The following PTPN13 variants were observed in gnomAD, a reference collection of about 807,000 sequenced individuals.
The protein encoded by PTPN13 is protein tyrosine phosphatase non-receptor type 13.
Under a neutral mutation model 284.0 loss-of-function variants are expected in PTPN13, and 191 were observed. That is an observed-to-expected ratio of 0.67 (90% CI 0.60 to 0.76). The LOEUF (loss-of-function observed/expected upper bound fraction) is 0.76. Among genes scored for constraint, PTPN13 ranks in the 30% least tolerant of loss-of-function variants. The probability of loss-of-function intolerance (pLI) is 0.00; values close to 1 mark genes in which losing one functional copy is unlikely to be tolerated. For missense variants in PTPN13, 2,797 were observed against 2,939.9 expected (o/e 0.95, Z 1.12); for synonymous variants, 986 against 1,022.3 (o/e 0.96, Z 0.68).
chr4:86,790,377 A>G (rs1034981218), intron 40 of PTPN13, among the ~76,000 whole-genome samples: 12 of 152,232 alleles, frequency 7.9e-5, no homozygotes, highest in African/African-American at 2.9e-4. Context: ...TGTCACAGAC[A>G]TAAGTGTGTG....
At chr4:86,659,247 T>A (rs1419903100) in intron 2 of PTPN13, among the ~76,000 whole-genome samples, 2 of 152,174 alleles carry the variant, frequency 1.3e-5, no homozygotes, top group African/African-American at 4.8e-5. Context: ...CATTTTCATA[T>A]GTAACCAGTA....
At chr4:86,647,586 G>C (rs571345120) in intron 2 of PTPN13, among the ~76,000 whole-genome samples, 1 of 151,956 alleles carries the variant, frequency 6.6e-6, no homozygotes, top group Non-Finnish European at 1.5e-5. Flanking sequence ...ATGAGAAAAC[G>C]TTAAAAGTAG....
In PTPN13 at chr4:86,785,828, C is replaced by T. The variant is rs764817010; in HGVS notation, c.6257-20C>T. The stretch of plus-strand genomic sequence containing the variant: ...CAATAGTTTTATAAATTCCTCTTGG[C>T]CTATATATTCCTCTCTCAGGTACAT... On this transcript the variant is annotated intron_variant, in intron 39 of 47. Transcript: ENST00000411767. The T allele has an allele frequency of 2.1e-6, 3 of 1,451,318 alleles. No homozygotes were observed. The highest frequency in any genetic ancestry group is 2.6e-5 in the South Asian group (2 of 76,700). 89.9% of individuals were successfully genotyped at this position (1,451,318 alleles called of 1,614,324 possible).
At chr4:86,757,910 A>AC (rs1298045820) in intron 20 of PTPN13, among the ~76,000 whole-genome samples, 1 of 152,174 alleles carries the variant, frequency 6.6e-6, no homozygotes, top group Admixed American at 6.5e-5. Context: ...GGAGTTGATT[A>AC]TGGTGTAACA....
At chr4:86,658,564 CT>C (rs1726116939) in intron 2 of PTPN13, among the ~76,000 whole-genome samples, 1 of 152,050 alleles carries the variant, frequency 6.6e-6, no homozygotes, top group Non-Finnish European at 1.5e-5. Context: ...CTTCTGTTTT[CT>C]TTTCAAAGAG....
intron 10 of PTPN13, among the ~76,000 whole-genome samples, chr4:86,728,643 C>CATT (rs1734569004): frequency 4.1e-5 from 1 of 24,500 alleles, no homozygotes; most frequent in Non-Finnish European, 7.6e-5. Context: ...CAACCCCTGC[C>CATT]TTTTTTTTTT....
intron 1 of PTPN13, among the ~76,000 whole-genome samples, chr4:86,602,590 G>A (rs764518233): frequency 4.6e-5 from 7 of 151,996 alleles, no homozygotes; most frequent in African/African-American, 7.3e-5. Context: ...TCCAGTCATC[G>A]CTTGGGCTTG....
chr4:86,705,080 A>G (rs1005106610), intron 7 of PTPN13, among the ~76,000 whole-genome samples: 1 of 152,128 alleles, frequency 6.6e-6, no homozygotes, highest in African/African-American at 2.4e-5. Flanking sequence ...TGATGCCTGT[A>G]ATCCCAGCAC....
At chr4:86,639,170 G>T (rs1025263551) in intron 2 of PTPN13, among the ~76,000 whole-genome samples, 2 of 151,572 alleles carry the variant, frequency 1.3e-5, no homozygotes, top group Admixed American at 1.3e-4. Context: ...TAAAAAGTCA[G>T]GAAACAACAG....
At chr4:86,779,547 C>T (rs1035233679) in intron 35 of PTPN13, among the ~76,000 whole-genome samples, 1 of 152,082 alleles carries the variant, frequency 6.6e-6, no homozygotes, top group African/African-American at 2.4e-5. Flanking sequence ...GTAAGAAAGC[C>T]TGTTTTTTGT....
At chr4:86,769,298 GT>G (rs1226756724) in intron 28 of PTPN13, among the ~76,000 whole-genome samples, 1 of 151,900 alleles carries the variant, frequency 6.6e-6, no homozygotes, top group Non-Finnish European at 1.5e-5. Flanking sequence ...CTTCTGTGGA[GT>G]TTCCCCTTTT....
At position 86,800,030 on chromosome 4, in the gene PTPN13, G is replaced by T. The variant is rs568849649; in HGVS notation, c.6505+826G>T. Among the ~76,000 whole-genome samples, 199 of 151,572 alleles carry T rather than the reference G, an allele frequency of 1.3e-3. 1 individual carries two copies. The highest frequency in any genetic ancestry group is 4.7e-3 in the African/African-American group (194 of 41,320). On this transcript the variant is annotated intron_variant, in intron 42 of 47. Transcript: ENST00000411767. ...TTTTTCTGTTTTTAGTAGAGATGGG[G>T]TTTCACCATGTTGGCCAGGCTGGTT...
intron 2 of PTPN13, among the ~76,000 whole-genome samples, chr4:86,665,598 G>A (rs1279763063): frequency 2.0e-5 from 3 of 152,084 alleles, no homozygotes; most frequent in Non-Finnish European, 4.4e-5. Context: ...CATGTAATAA[G>A]TAATAAATAG....
intron 4 of PTPN13, among the ~76,000 whole-genome samples, chr4:86,688,075 T>C (rs1172290085): frequency 1.3e-5 from 2 of 151,952 alleles, no homozygotes; most frequent in East Asian, 1.9e-4. Context: ...TTAGGGAAAA[T>C]AGAGGATGCT....
At chr4:86,682,615 C>T (rs970011393) in intron 3 of PTPN13, among the ~76,000 whole-genome samples, 5 of 152,052 alleles carry the variant, frequency 3.3e-5, no homozygotes. Context: ...TGACCTTCCT[C>T]CTTTCTACAC....
chr4:86,624,236 C>A (rs1721584334), intron 1 of PTPN13, among the ~76,000 whole-genome samples: 1 of 152,078 alleles, frequency 6.6e-6, no homozygotes, highest in African/African-American at 2.4e-5. Context: ...CCTGCCACAA[C>A]TCTCAACTCT....
At chr4:86,812,309 C>CAAAAA (rs555017151) in intron 47 of PTPN13, among the ~76,000 whole-genome samples, 1 of 58,728 alleles carries the variant, frequency 1.7e-5, no homozygotes, top group Non-Finnish European at 3.4e-5. Context: ...GACTCCGTCT[C>CAAAAA]AAAAAAAAAA....
intron 40 of PTPN13, among the ~76,000 whole-genome samples, chr4:86,788,534 A>G (rs1742253254): frequency 6.6e-6 from 1 of 152,188 alleles, no homozygotes; most frequent in Admixed American, 6.5e-5. Flanking sequence ...GAAAGATTAT[A>G]CCTCTGATAG....
chr4:86,751,127 C>A lies in PTPN13; in HGVS notation c.3166+3C>A. The A allele has an allele frequency of 1.3e-6, 2 of 1,558,818 alleles. No individual in the cohort carries two copies. The highest frequency in any genetic ancestry group is 1.8e-6 in the Non-Finnish European group (2 of 1,132,006). On this transcript the variant is annotated splice_donor_region_variant and intron_variant, in intron 19 of 47. Transcript: ENST00000411767. The stretch of plus-strand genomic sequence containing the variant: ...CCCTGGGCAAGCATATGTTCTAGGT[C>A]AGCAAAAACAAGCTTACCTTCTTTG...
Sources: allele counts gnomAD v4.1 joint callset (sites outside exome capture counted in the v4.1 genomes callset), GRCh38; gene constraint gnomAD v4.1.1; transcripts MANE v1.5; gene names NCBI Gene and HGNC (gene_info 2026-07-23, HGNC 2026-07-21).